CDH18: variants seen among roughly 807,000 people sequenced by gnomAD.
The protein encoded by CDH18 is cadherin 18, also known as cadherin-18.
CDH18 carries 31 observed loss-of-function variants against 67.9 expected under a neutral mutation model. That is an observed-to-expected ratio of 0.46 (90% CI 0.34 to 0.62). The LOEUF (loss-of-function observed/expected upper bound fraction) is 0.62. Ranked by LOEUF, CDH18 falls within the 20% of genes least tolerant of loss-of-function variation. The probability of loss-of-function intolerance (pLI) is 0.01; values close to 1 mark genes in which losing one functional copy is unlikely to be tolerated. For synonymous variants in CDH18, 362 were observed against 347.2 expected (o/e 1.04, Z -0.48); for missense variants, 890 against 975.5 (o/e 0.91, Z 1.17).
At chr5:19,566,097 A>G (rs1740342531) in intron 8 of CDH18, among the ~76,000 whole-genome samples, 2 of 152,224 alleles carry the variant, frequency 1.3e-5, no homozygotes, top group South Asian at 4.1e-4. Context: ...GATGACATAC[A>G]AATAGCAAAC....
intron 3 of CDH18, among the ~76,000 whole-genome samples, chr5:19,805,424 GTTT>G (rs1302084964): frequency 1.3e-5 from 2 of 151,972 alleles, no homozygotes; most frequent in Non-Finnish European, 2.9e-5. Context: ...CCCCTTTGAA[GTTT>G]TTGTTCTTCA....
At chr5:20,040,135 C>G (rs1299353853) in intron 2 of CDH18, among the ~76,000 whole-genome samples, 2 of 152,060 alleles carry the variant, frequency 1.3e-5, no homozygotes, top group African/African-American at 4.8e-5. Flanking sequence ...AAATGTAAAT[C>G]AAATCCACAA....
At chr5:19,571,321 G>A (rs10045095) in intron 8 of CDH18, among the ~76,000 whole-genome samples, 5,691 of 152,036 alleles carry the variant, frequency 0.037, 309 homozygotes, top group African/African-American at 0.12. Flanking sequence ...AATCAATTAC[G>A]CTCACATCCA....
chr5:20,542,310 G>T (rs1217023507), intron 1 of CDH18, among the ~76,000 whole-genome samples: 2 of 151,544 alleles, frequency 1.3e-5, no homozygotes, highest in African/African-American at 4.8e-5. Context: ...TAAACAAATA[G>T]TAATTACTAT....
At position 20,514,828 on chromosome 5, in the gene CDH18, T is replaced by C. The variant is rs1755262660; in HGVS notation, c.-580+60634A>G. 2.6e-5 allele frequency among the ~76,000 whole-genome samples: 4 copies of C among 152,190 alleles called. No individual in the cohort carries two copies. The South Asian group carries it at 8.3e-4, about 31-fold the overall frequency. On this transcript the variant is annotated intron_variant, in intron 1 of 14. Coordinates refer to the CDH18 transcript ENST00000507958. Reference sequence around the variant, plus strand: ...TCTGATTGTGTTTTCAGATGTCTTATTCATCTTATTCATCTCCAGCTATCC... The same window carrying C: ...TCTGATTGTGTTTTCAGATGTCTTACTCATCTTATTCATCTCCAGCTATCC...
chr5:19,835,040 T>C (rs1337498917), intron 3 of CDH18, among the ~76,000 whole-genome samples: 1 of 152,144 alleles, frequency 6.6e-6, no homozygotes, highest in Non-Finnish European at 1.5e-5. Flanking sequence ...CAAAGGACTA[T>C]AAATCATTCT....
In CDH18 at chr5:20,017,234, C is replaced by T. The variant is rs539571811; in HGVS notation, c.-517-25220G>A. Among the ~76,000 whole-genome samples, 10 of 152,160 alleles carry T rather than the reference C, an allele frequency of 6.6e-5. No homozygotes were observed. The South Asian group carries it at 2.1e-3, about 32-fold the overall frequency. On this transcript the variant is annotated intron_variant, in intron 2 of 14. Transcript: ENST00000507958. The stretch of plus-strand genomic sequence containing the variant: ...CCTTGGAAAGTTGGCTTTGGCTGAA[C>T]AAGAGTCATTTTCTTTTTCTTAAAT...
At position 19,473,080 on chromosome 5, in the gene CDH18, C is replaced by T; in HGVS notation, c.*146G>A. On this transcript the variant is annotated 3_prime_UTR_variant, in exon 13 of 13. Coordinates refer to ENST00000382275, the MANE Select transcript of CDH18 (RefSeq NM_004934.5). Reference sequence around the variant, plus strand: ...TCCAATTAAATAACCCAGTTTCGATCATGAAAAGGGCACTTGTTTCTACAG... The same window carrying T: ...TCCAATTAAATAACCCAGTTTCGATTATGAAAAGGGCACTTGTTTCTACAG... 2 of 753,034 alleles carry T rather than the reference C, an allele frequency of 2.7e-6. No individual in the cohort carries two copies. The highest frequency in any genetic ancestry group is 2.2e-5 in the South Asian group (1 of 45,470). The allele number at this position is 753,034 out of a possible 1,614,324, so 46.6% of individuals were successfully genotyped here.
intron 3 of CDH18, among the ~76,000 whole-genome samples, chr5:19,773,054 T>C (rs1388209643): frequency 6.6e-6 from 1 of 152,194 alleles, no homozygotes; most frequent in Non-Finnish European, 1.5e-5. Flanking sequence ...ATGTTTCTGA[T>C]ATAATTTTAT....
chr5:19,774,426 T>TTAAAATTAAA (rs1554030468), intron 3 of CDH18, among the ~76,000 whole-genome samples: 1 of 139,390 alleles, frequency 7.2e-6, no homozygotes, highest in African/African-American at 2.6e-5. Context: ...TAAAATAAAA[T>TTAAAATTAAA]TAAAATAAAA....
intron 11 of CDH18, among the ~76,000 whole-genome samples, chr5:19,499,674 T>C (rs1002368281): frequency 3.9e-5 from 6 of 152,292 alleles, no homozygotes; most frequent in African/African-American, 1.4e-4. Context: ...AAAAGCATTT[T>C]TGTCATAATT....
chr5:19,621,898 C>G (rs532652332), intron 5 of CDH18, among the ~76,000 whole-genome samples: 1 of 152,256 alleles, frequency 6.6e-6, no homozygotes, highest in African/African-American at 2.4e-5. Flanking sequence ...TTGAATGGGA[C>G]ATTATTTTTT....
intron 2 of CDH18, among the ~76,000 whole-genome samples, chr5:20,074,768 C>T (rs993345415): frequency 4.0e-5 from 6 of 148,906 alleles, no homozygotes; most frequent in African/African-American, 1.2e-4. Flanking sequence ...TTGTTAATTT[C>T]CTATAGATTT....
intron 2 of CDH18, among the ~76,000 whole-genome samples, chr5:20,171,728 C>T (rs145352039): frequency 4.6e-5 from 7 of 151,844 alleles, no homozygotes; most frequent in Non-Finnish European, 7.4e-5. Flanking sequence ...TAATTGGATG[C>T]CATTTGTCAA....
chr5:20,528,952 G>A (rs1756233263), intron 1 of CDH18, among the ~76,000 whole-genome samples: 1 of 133,066 alleles, frequency 7.5e-6, no homozygotes, highest in African/African-American at 2.5e-5. Flanking sequence ...ATGAATCCAG[G>A]AGCTGGTTTT....
intron 2 of CDH18, among the ~76,000 whole-genome samples, chr5:20,028,160 C>T (rs1265269770): frequency 6.6e-6 from 1 of 150,550 alleles, no homozygotes; most frequent in East Asian, 2.0e-4. Flanking sequence ...ATGGCAAAAA[C>T]TGAAACTACT....
chr5:20,081,793 G>A (rs944081454), intron 2 of CDH18, among the ~76,000 whole-genome samples: 25 of 152,068 alleles, frequency 1.6e-4, no homozygotes, highest in African/African-American at 4.8e-4. Flanking sequence ...GGGCCTACTC[G>A]AGGGTGGAGA....
intron 3 of CDH18, among the ~76,000 whole-genome samples, chr5:19,758,611 TA>T (rs1481517044): frequency 6.6e-6 from 1 of 152,164 alleles, no homozygotes; most frequent in Non-Finnish European, 1.5e-5. Flanking sequence ...AGTAACACAC[TA>T]AACGAGGAAT....
chr5:19,558,082 A>T (rs867148048), intron 8 of CDH18, among the ~76,000 whole-genome samples: 24 of 152,208 alleles, frequency 1.6e-4, no homozygotes, highest in Admixed American at 7.2e-4. Flanking sequence ...AAATTAAAAA[A>T]TTTTTTGAAC....
Sources: allele counts gnomAD v4.1 joint callset (sites outside exome capture counted in the v4.1 genomes callset), GRCh38; gene constraint gnomAD v4.1.1; transcripts MANE v1.5; gene names NCBI Gene and HGNC (gene_info 2026-07-23, HGNC 2026-07-21).